The following PAQR5 variants were observed in gnomAD, a reference collection of about 807,000 sequenced individuals.
PAQR5 encodes the protein membrane progestin receptor gamma.
Under a neutral mutation model 34.5 loss-of-function variants are expected in PAQR5, and 20 were observed. That is an observed-to-expected ratio of 0.58 (90% CI 0.41 to 0.84). The LOEUF is 0.84. Ranked by LOEUF, PAQR5 falls within the 40% of genes least tolerant of loss-of-function variation. The pLI, the probability that PAQR5 is intolerant of heterozygous loss-of-function variation, is 0.00. For synonymous variants in PAQR5, 131 were observed against 155.6 expected (o/e 0.84, Z 1.18); for missense variants, 378 against 412.7 (o/e 0.92, Z 0.73).
Position 69,341,213 on chromosome 15 carries a change from C to T in PAQR5, c.-116+3712C>T, listed in dbSNP as rs143669761. Among the ~76,000 whole-genome samples, 433 of 141,858 alleles carry T rather than the reference C, an allele frequency of 3.1e-3. 2 individuals are homozygous for T. The highest frequency in any genetic ancestry group is 0.01 in the African/African-American group (401 of 39,024). The allele number at this position is 141,858 out of a possible 152,430, so 93.1% of individuals were successfully genotyped here. A position where few individuals can be genotyped will look rare whatever the true frequency, so the allele number is the denominator to read the frequency against. ...CGGCCCCCCTGCCAGACTGTCTTTA[C>T]GTAAATGTCTCTAAAATTTGCCTAT... On this transcript the variant is annotated intron_variant, in intron 2 of 8. Coordinates refer to ENST00000395407, the MANE Select transcript of PAQR5 (RefSeq NM_017705.4).
At chr15:69,332,779 TAAA>T (rs56280711) in intron 1 of PAQR5, among the ~76,000 whole-genome samples, 679 of 59,820 alleles carry the variant, frequency 0.011, 12 homozygotes, top group East Asian at 0.063. Flanking sequence ...CTAAATCTTG[TAAA>T]AAAAAAAAAA....
At chr15:69,334,703 A>T (rs931671684) in intron 1 of PAQR5, among the ~76,000 whole-genome samples, 44 of 152,248 alleles carry the variant, frequency 2.9e-4, no homozygotes, top group African/African-American at 1.1e-3. Context: ...TGCGTTTTAC[A>T]TACTAGGTGT....
chr15:69,378,264 TAAAAAAAAAAA>T (rs71149912), intron 3 of PAQR5, among the ~76,000 whole-genome samples: 6 of 59,692 alleles, frequency 1.0e-4, no homozygotes, highest in Non-Finnish European at 1.3e-4. Context: ...GACTCCATCT[TAAAAAAAAAAA>T]AAAAAAAAAA....
chr15:69,389,420 C>T (rs1260021214), intron 5 of PAQR5, among the ~76,000 whole-genome samples: 4 of 152,216 alleles, frequency 2.6e-5, no homozygotes, highest in Non-Finnish European at 5.9e-5. Context: ...TGAGGTCATA[C>T]ATGTAAAGCC....
Position 69,403,827 on chromosome 15 carries a change from G to T in PAQR5, c.*5G>T. 1 of 1,612,216 alleles carries T rather than the reference G, an allele frequency of 6.2e-7. No individual in the cohort carries two copies. Among genetic ancestry groups the T allele is most frequent in the South Asian group, 1.1e-5 (1 of 90,972 alleles). On this transcript the variant is annotated 3_prime_UTR_variant, in exon 9 of 9. Coordinates refer to ENST00000395407, the MANE Select transcript of PAQR5 (RefSeq NM_017705.4). The stretch of plus-strand genomic sequence containing the variant: ...TTACATAAAAAAGAAACATGACTCA[G>T]ACCATAAGCTTTTCATGCCAGATGT...
chr15:69,364,283 C>T (rs1205472265), intron 3 of PAQR5, among the ~76,000 whole-genome samples: 1 of 151,660 alleles, frequency 6.6e-6, no homozygotes, highest in Non-Finnish European at 1.5e-5. Context: ...GTGCTTAGAT[C>T]ACCAATGTCA....
chr15:69,352,700 G>T (rs1174558605), intron 2 of PAQR5, among the ~76,000 whole-genome samples: 1 of 152,206 alleles, frequency 6.6e-6, no homozygotes, highest in Non-Finnish European at 1.5e-5. Flanking sequence ...TTCTCAGTTG[G>T]CAGAAATTCG....
At chr15:69,382,789 TATATATATG>T (rs2055941426) in intron 4 of PAQR5, 1 of 1,798 alleles carries the variant, frequency 5.6e-4, no homozygotes, top group Non-Finnish European at 1.3e-3. Context: ...TATATATATA[TATATATATG>T]ACCATATATA....
At chr15:69,366,423 A>C (rs549421261) in intron 3 of PAQR5, among the ~76,000 whole-genome samples, 1 of 152,310 alleles carries the variant, frequency 6.6e-6, no homozygotes, top group Admixed American at 6.5e-5. Flanking sequence ...ATTCATGTAC[A>C]AGTCATTTAG....
chr15:69,305,828 C>T (rs555816768), intron 1 of PAQR5, among the ~76,000 whole-genome samples: 5 of 152,280 alleles, frequency 3.3e-5, no homozygotes, highest in South Asian at 4.1e-4. Flanking sequence ...ACTTCGTCCA[C>T]GGAAACCCCC....
At chr15:69,375,283 CCTGG>C (rs1356957852) in intron 3 of PAQR5, among the ~76,000 whole-genome samples, 1 of 152,134 alleles carries the variant, frequency 6.6e-6, no homozygotes, top group Non-Finnish European at 1.5e-5. Context: ...GGTGCTCATC[CCTGG>C]TGTCTCTCTG....
intron 4 of PAQR5, chr15:69,383,096 C>T (rs2055957047): frequency 6.6e-6 from 1 of 152,122 alleles, no homozygotes; most frequent in Admixed American, 6.6e-5. Flanking sequence ...GTACTGCCTC[C>T]CAATTAAAAA....
intron 4 of PAQR5, among the ~76,000 whole-genome samples, chr15:69,381,319 C>T (rs1018905925): frequency 6.6e-6 from 1 of 152,190 alleles, no homozygotes; most frequent in Non-Finnish European, 1.5e-5. Context: ...TGAGCATCCA[C>T]AGCATCTGCC....
Position 69,300,861 on chromosome 15 carries a change from CT to C in PAQR5, c.-277+1808del, listed in dbSNP as rs1198540108. On this transcript the variant is annotated intron_variant, in intron 1 of 8. Coordinates refer to ENST00000395407, the MANE Select transcript of PAQR5 (RefSeq NM_017705.4). ...GTTCGTTTTCTTTCTTTCTTTCTTTCTTTCTTTCTTTCTTTCTTTCTTTCTT... is the reference window on the plus strand; with the variant it reads ...GTTCGTTTTCTTTCTTTCTTTCTTTCTTCTTTCTTTCTTTCTTTCTTTCTT... Among the ~76,000 whole-genome samples the C allele has an allele frequency of 4.2e-3, 73 of 17,438 alleles. 16 individuals carry two copies. Among genetic ancestry groups the C allele is most frequent in the African/African-American group, 0.012 (65 of 5,632 alleles). 11.4% of individuals were successfully genotyped at this position (17,438 alleles called of 152,430 possible).
intron 2 of PAQR5, among the ~76,000 whole-genome samples, chr15:69,347,443 T>C (rs2054803474): frequency 6.6e-6 from 1 of 152,202 alleles, no homozygotes; most frequent in Non-Finnish European, 1.5e-5. Flanking sequence ...AAGTCAATTC[T>C]CTTCTTAAAA....
In PAQR5 at chr15:69,300,585, CTTT is replaced by C. The variant is rs1566985036; in HGVS notation, c.-277+1530_-277+1532del. On this transcript the variant is annotated intron_variant, in intron 1 of 8. Transcript: ENST00000395407. ...TTTCTTTCTTTCTCTTTCTTTCTTTCTTTCCTTCTTTCTTTCTTTCTTTCTTTC... is the reference window on the plus strand; with the variant it reads ...TTTCTTTCTTTCTCTTTCTTTCTTTCCCTTCTTTCTTTCTTTCTTTCTTTC... Among the ~76,000 whole-genome samples the C allele has an allele frequency of 1.3e-3, 96 of 71,296 alleles. 12 individuals are homozygous for C. In the South Asian group the frequency reaches 0.02, roughly 15 times the overall value. The allele number at this position is 71,296 out of a possible 152,430, so 46.8% of individuals were successfully genotyped here. A position where few individuals can be genotyped will look rare whatever the true frequency, so the allele number is the denominator to read the frequency against.
Position 69,397,550 on chromosome 15 carries a change from C to T in PAQR5, c.595C>T (p.Pro199Ser), listed in dbSNP as rs1217624864. The T allele has an allele frequency of 6.2e-7, 1 of 1,607,216 alleles. No individual in the cohort carries two copies. The highest frequency in any genetic ancestry group is 8.5e-7 in the Non-Finnish European group (1 of 1,173,766). ...TTATCCGTACACCTGGGACTCCCTCCCCATCTTCTACAGGGTAAGGACTGG... is the reference window on the plus strand; with the variant it reads ...TTATCCGTACACCTGGGACTCCCTCTCCATCTTCTACAGGGTAAGGACTGG... ...FAYPYTWDSL[P>S]IFYRLFLFPG... The change falls in exon 7 of 9, where the codon CCC (proline) becomes TCC (serine). Residue 199 changes from proline (P) to serine (S), a missense_variant. Transcript: ENST00000395407.
At chr15:69,332,779 TAA>T (rs56280711) in intron 1 of PAQR5, among the ~76,000 whole-genome samples, 35,892 of 59,364 alleles carry the variant, frequency 0.6, 10,137 homozygotes, top group Middle Eastern at 0.74. Context: ...CTAAATCTTG[TAA>T]AAAAAAAAAA....
intron 6 of PAQR5, among the ~76,000 whole-genome samples, chr15:69,392,993 G>A (rs2056313514): frequency 6.6e-6 from 1 of 151,984 alleles, no homozygotes; most frequent in East Asian, 1.9e-4. Context: ...GCTCATGAAG[G>A]ATGAGAATCT....
Sources: gnomAD v4.1 joint callset for allele counts (sites outside exome capture counted in the v4.1 genomes callset) on GRCh38, gnomAD v4.1.1 for gene constraint, MANE v1.5 for transcripts, NCBI Gene and HGNC (gene_info 2026-07-23, HGNC 2026-07-21) for gene names.